The following JAKMIP1 variants were observed in gnomAD, a reference collection of about 807,000 sequenced individuals.
JAKMIP1 encodes the protein janus kinase and microtubule interacting protein 1.
A neutral mutation model predicts 113.0 loss-of-function variants in JAKMIP1; 33 were observed. The observed-to-expected ratio is 0.29, with a 90% CI of 0.22 to 0.39. The LOEUF (loss-of-function observed/expected upper bound fraction) is 0.39, where lower values mean the gene tolerates loss of function less well. Among genes scored for constraint, JAKMIP1 ranks in the 10% least tolerant of loss-of-function variants. JAKMIP1 has a pLI of 1.00. For missense variants in JAKMIP1, 813 were observed against 1,080.5 expected, an observed-to-expected ratio of 0.75 and a Z score of 3.47; for synonymous variants, 480 against 459.9, an observed-to-expected ratio of 1.04 and a Z score of -0.56.
rs1188949559 is a variant in JAKMIP1, at chr4:6,044,969, G to C, written c.2029-2742C>G. ...GAGGAGAAGTGAGTCCACTCACAGG[G>C]AGGTGCTGATGAACTGAGCAGCCTC... On this transcript the variant is annotated intron_variant, in intron 16 of 20. Coordinates refer to ENST00000409021, the MANE Select transcript of JAKMIP1 (RefSeq NM_001099433.2). This position sits in a 1 kb window ranked among gnomAD's most constrained non-coding sequence, Gnocchi z 4.4. Among the ~76,000 whole-genome samples, 1 of 152,232 alleles carries C rather than the reference G, an allele frequency of 6.6e-6. No homozygotes were observed. The highest frequency in any genetic ancestry group is 2.4e-5 in the African/African-American group (1 of 41,464).
intron 1 of JAKMIP1, among the ~76,000 whole-genome samples, chr4:6,198,154 AAT>A (rs1196932059): frequency 6.6e-6 from 1 of 152,242 alleles, no homozygotes; most frequent in East Asian, 1.9e-4. Context: ...TACACAAACA[AAT>A]ATCACACTGT....
In JAKMIP1 at chr4:6,154,569, C is replaced by G. The variant is rs1290411629; in HGVS notation, c.-147-41572G>C. On this transcript the variant is annotated intron_variant, in intron 1 of 20. Coordinates refer to ENST00000409021, the MANE Select transcript of JAKMIP1 (RefSeq NM_001099433.2). The surrounding 1 kb of genome is among the most constrained non-coding windows in gnomAD (Gnocchi z 4.2). ...ATTTCAGCCTTGAAAAAGGCAATACCGAAAAGGCAGACACCAAGAAACTTA... is the reference window on the plus strand; with the variant it reads ...ATTTCAGCCTTGAAAAAGGCAATACGGAAAAGGCAGACACCAAGAAACTTA... Among the ~76,000 whole-genome samples the G allele has an allele frequency of 6.6e-6, 1 of 151,882 alleles. No individual in the cohort carries two copies. The highest frequency in any genetic ancestry group is 2.1e-4 in the South Asian group (1 of 4,792).
rs543734194 is a variant in JAKMIP1, at chr4:6,135,998, C to T, written c.-147-23001G>A. ...CAGTGGCTCACACCTGTAATCCCAG[C>T]ACTTTGAGAGGCCAAGGTGGGTGGA... On this transcript the variant is annotated intron_variant, in intron 1 of 20. Transcript: ENST00000409021. This position sits in a 1 kb window ranked among gnomAD's most constrained non-coding sequence, Gnocchi z 4.9. Among the ~76,000 whole-genome samples the T allele has an allele frequency of 1.3e-5, 2 of 152,262 alleles. No individual in the cohort carries two copies. The highest frequency in any genetic ancestry group is 1.9e-4 in the East Asian group (1 of 5,184).
In JAKMIP1 at chr4:6,162,794, GT is replaced by G. The variant is rs1723127080; in HGVS notation, c.-148+37458del. On this transcript the variant is annotated intron_variant, in intron 1 of 20. Transcript: ENST00000409021. This position sits in a 1 kb window ranked among gnomAD's most constrained non-coding sequence, Gnocchi z 5.6. The stretch of plus-strand genomic sequence containing the variant: ...CAGGAGCCAGGTGTGGGACCCAAGT[GT>G]TCCCCATTCCAAAGCCTGGGTCCCT... Among the ~76,000 whole-genome samples, 1 of 152,160 alleles carries G rather than the reference GT, an allele frequency of 6.6e-6. No individual in the cohort carries two copies. Among genetic ancestry groups the G allele is most frequent in the Non-Finnish European group, 1.5e-5 (1 of 68,028 alleles).
intron 1 of JAKMIP1, among the ~76,000 whole-genome samples, chr4:6,147,842 C>A (rs1721040118): frequency 6.6e-6 from 1 of 152,252 alleles, no homozygotes; most frequent in South Asian, 2.1e-4. Context: ...GCCACCCTGG[C>A]CTCACAGGGC....
At chr4:6,104,695 A>C (rs34465433) in intron 3 of JAKMIP1, among the ~76,000 whole-genome samples, 7,968 of 152,338 alleles carry the variant, frequency 0.052, 249 homozygotes, top group South Asian at 0.075. Context: ...CAGACTGGTC[A>C]TGTGTTTGTG....
chr4:6,133,896 G>T (rs1025776075), intron 1 of JAKMIP1, among the ~76,000 whole-genome samples: 1 of 152,232 alleles, frequency 6.6e-6, no homozygotes, highest in Non-Finnish European at 1.5e-5. Flanking sequence ...TTGAAGCCAT[G>T]CATTGAGATG....
chr4:6,063,337 A>G (rs1216446914), intron 9 of JAKMIP1, among the ~76,000 whole-genome samples: 1 of 152,246 alleles, frequency 6.6e-6, no homozygotes, highest in Non-Finnish European at 1.5e-5. Context: ...TGCCTATTAC[A>G]TATCACTGGC....
At chr4:6,124,518 C>G in intron 1 of JAKMIP1, among the ~76,000 whole-genome samples, 1 of 152,240 alleles carries the variant, frequency 6.6e-6, no homozygotes, top group East Asian at 1.9e-4. Flanking sequence ...CCAGCCCTCA[C>G]CCTTGCCTGT....
At chr4:6,130,771 G>A (rs924574184) in intron 1 of JAKMIP1, among the ~76,000 whole-genome samples, 1 of 151,934 alleles carries the variant, frequency 6.6e-6, no homozygotes, top group Non-Finnish European at 1.5e-5. Flanking sequence ...TTAGTAGACC[G>A]AACACAGCTG....
In JAKMIP1 at chr4:6,059,232, G is replaced by A. The variant is rs748465448; in HGVS notation, c.1644+1192C>T. ...CCCACGCAGTCCATTGGTAAAGTCT[G>A]CTGTGGTGACCTGCTCTGTGCCAGG... On this transcript the variant is annotated intron_variant, in intron 11 of 20. Coordinates refer to ENST00000409021, the MANE Select transcript of JAKMIP1 (RefSeq NM_001099433.2). The surrounding 1 kb of genome is among the most constrained non-coding windows in gnomAD (Gnocchi z 4.8). Among the ~76,000 whole-genome samples the A allele has an allele frequency of 8.5e-5, 13 of 152,328 alleles. No homozygotes were observed. Among genetic ancestry groups the A allele is most frequent in the South Asian group, 8.3e-4 (4 of 4,830 alleles).
In JAKMIP1 at chr4:6,081,688, T is replaced by A. The variant is rs1360949851; in HGVS notation, c.1022A>T (p.Lys341Met). The change falls in exon 6 of 21, where the codon AAG becomes ATG. Residue 341 changes from lysine to methionine, a missense_variant. This residue lies in a region of JAKMIP1 where 540 missense variants were observed against 653.9 expected (regional missense o/e 0.83). Transcript: ENST00000409021. This position sits in a 1 kb window ranked among gnomAD's most constrained non-coding sequence, Gnocchi z 4.6. ...ACTCTGCAACAGATCCTCATTCTTC[T>A]TGTTCATCCGCTTGTTCTTCTCCAC... The part of the protein sequence containing the change: ...PLVEKNKRMN[K>M]KNEDLLQSIQ... 1 of 1,614,214 alleles carries A rather than the reference T, an allele frequency of 6.2e-7. No homozygotes were observed. The highest frequency in any genetic ancestry group is 8.5e-7 in the Non-Finnish European group (1 of 1,180,032).
At chr4:6,131,309 G>A (rs571301612) in intron 1 of JAKMIP1, among the ~76,000 whole-genome samples, 20 of 148,920 alleles carry the variant, frequency 1.3e-4, no homozygotes, top group African/African-American at 4.5e-4. Context: ...CAAAATTAAT[G>A]TCAGACACCA....
rs1717200946 is a variant in JAKMIP1 at position 6,061,066 on chromosome 4, C to T, written c.1561-559G>A. On this transcript the variant is annotated intron_variant, in intron 10 of 20. Coordinates refer to ENST00000409021, the MANE Select transcript of JAKMIP1 (RefSeq NM_001099433.2). The surrounding 1 kb of genome is among the most constrained non-coding windows in gnomAD (Gnocchi z 5.3). ...GGTGGGGACTGTGGCAAGCCAGAGG[C>T]ACACGTCCCATCTCAGGGAGACACT... Among the ~76,000 whole-genome samples the T allele has an allele frequency of 6.6e-6, 1 of 152,214 alleles. No homozygotes were observed. Among genetic ancestry groups the T allele is most frequent in the South Asian group, 2.1e-4 (1 of 4,832 alleles).
At chr4:6,053,707 C>A in intron 13 of JAKMIP1, 1 of 1,006,298 alleles carries the variant, frequency 9.9e-7, no homozygotes, top group Non-Finnish European at 1.2e-6. Context: ...ACTACGCATG[C>A]AGGAAAGAAG....
At chr4:6,037,165 G>A (rs939469541) in intron 18 of JAKMIP1, among the ~76,000 whole-genome samples, 157 of 147,618 alleles carry the variant, frequency 1.1e-3, no homozygotes, top group African/African-American at 3.6e-3. Context: ...CTCCATCACC[G>A]AGGCAGAGGC....
At chr4:6,104,170 T>C (rs1189507153) in intron 3 of JAKMIP1, among the ~76,000 whole-genome samples, 1 of 152,252 alleles carries the variant, frequency 6.6e-6, no homozygotes, top group Admixed American at 6.5e-5. Context: ...ATGTCCACAG[T>C]ATTCTGCAGT....
Position 6,143,230 on chromosome 4 carries a change from A to G in JAKMIP1, c.-147-30233T>C, listed in dbSNP as rs1223866830. Among the ~76,000 whole-genome samples, 1 of 152,206 alleles carries G rather than the reference A, an allele frequency of 6.6e-6. No individual in the cohort carries two copies. Among genetic ancestry groups the G allele is most frequent in the African/African-American group, 2.4e-5 (1 of 41,460 alleles). On this transcript the variant is annotated intron_variant, in intron 1 of 20. Coordinates refer to ENST00000409021, the MANE Select transcript of JAKMIP1 (RefSeq NM_001099433.2). The surrounding 1 kb of genome is among the most constrained non-coding windows in gnomAD (Gnocchi z 4.9). ...GTGCGTGGTAGAGTTTGCAGAAAGC[A>G]CTATCTTAATTTTTGTTTTTATTTT...
chr4:6,029,768 A>T lies in JAKMIP1; in HGVS notation c.2393T>A (p.Leu798Gln), dbSNP rs1242878060. 1 of 1,604,036 alleles carries T rather than the reference A, an allele frequency of 6.2e-7. No homozygotes were observed. The highest frequency in any genetic ancestry group is 8.5e-7 in the Non-Finnish European group (1 of 1,175,030). Residue 798 changes from leucine to glutamine, a missense_variant, in exon 20 of 21, where the codon CTG becomes CAG. Leu to Gln is a moderately radical substitution (Grantham distance 113). Transcript: ENST00000409021. The part of the protein sequence containing the change: ...LQQAQQRIRE[L>Q]EDKLEFQKRH... ...CTTCTGAAACTCCAGTTTGTCCTCC[A>T]GTTCTCGGATTCTCTGAAATACACC...
Sources: gnomAD v4.1 joint callset for allele counts (sites outside exome capture counted in the v4.1 genomes callset) on GRCh38, gnomAD v4.1.1 for gene constraint, gnomAD v4.1.1 regional missense constraint, Gnocchi (gnomAD v3.1) non-coding constraint, MANE v1.5 for transcripts, NCBI Gene and HGNC (gene_info 2026-07-23, HGNC 2026-07-21) for gene names.